The following CARMIL1 variants were observed in gnomAD, a reference collection of about 807,000 sequenced individuals.
CARMIL1 encodes capping protein regulator and myosin 1 linker 1.
Under a neutral mutation model 177.1 loss-of-function variants are expected in CARMIL1, and 90 were observed. The ratio of observed to expected loss-of-function variants is 0.51; its 90% CI spans 0.43 to 0.61. The LOEUF (loss-of-function observed/expected upper bound fraction) is 0.61, where lower values mean the gene tolerates loss of function less well. Among genes scored for constraint, CARMIL1 ranks in the 20% least tolerant of loss-of-function variants. CARMIL1 has a pLI of 0.00. For missense variants in CARMIL1, 1,380 were observed against 1,667.0 expected, an observed-to-expected ratio of 0.83 and a Z score of 3.00; for synonymous variants, 577 against 606.2, an observed-to-expected ratio of 0.95 and a Z score of 0.71.
intron 4 of CARMIL1, among the ~76,000 whole-genome samples, chr6:25,429,278 A>C (rs1284634177): frequency 6.6e-6 from 1 of 152,214 alleles, no homozygotes; most frequent in Non-Finnish European, 1.5e-5. Context: ...CTGTGTGTGC[A>C]AGCATCCATC....
intron 23 of CARMIL1, among the ~76,000 whole-genome samples, chr6:25,521,342 C>T (rs1419993498): frequency 6.6e-6 from 1 of 151,302 alleles, no homozygotes. Flanking sequence ...CTCATATTCA[C>T]TTTGGGGTGA....
intron 2 of CARMIL1, among the ~76,000 whole-genome samples, chr6:25,331,889 T>G (rs1404685714): frequency 2.0e-5 from 3 of 152,258 alleles, no homozygotes; most frequent in East Asian, 3.8e-4. Flanking sequence ...GAATACTTGT[T>G]AAATGAATAG....
intron 17 of CARMIL1, among the ~76,000 whole-genome samples, chr6:25,500,675 T>C (rs1804218523): frequency 6.6e-6 from 1 of 152,172 alleles, no homozygotes; most frequent in Non-Finnish European, 1.5e-5. Flanking sequence ...AACAAGAAAA[T>C]TAACATACCT....
intron 12 of CARMIL1, among the ~76,000 whole-genome samples, chr6:25,482,917 C>G (rs975434708): frequency 3.3e-5 from 5 of 152,160 alleles, no homozygotes; most frequent in Non-Finnish European, 7.3e-5. Flanking sequence ...ATCCTGCATT[C>G]TTTGTGCCTT....
chr6:25,289,257 G>A (rs1311317802), intron 2 of CARMIL1, among the ~76,000 whole-genome samples: 1 of 152,144 alleles, frequency 6.6e-6, no homozygotes, highest in Non-Finnish European at 1.5e-5. Context: ...GTCTTTAGGG[G>A]ATGTCATTAG....
chr6:25,508,719 T>C (rs1805163896), intron 17 of CARMIL1, among the ~76,000 whole-genome samples: 1 of 152,204 alleles, frequency 6.6e-6, no homozygotes, highest in Admixed American at 6.5e-5. Flanking sequence ...AGTAAAGGAC[T>C]TGCCATGTTC....
chr6:25,519,084 C>T (rs1475612292), intron 22 of CARMIL1, among the ~76,000 whole-genome samples: 1 of 152,234 alleles, frequency 6.6e-6, no homozygotes, highest in Non-Finnish European at 1.5e-5. Context: ...CCCATCTAGA[C>T]TGCTACTATT....
At position 25,436,683 on chromosome 6, in the gene CARMIL1, A is replaced by G. The variant is rs142824345; in HGVS notation, c.371+1079A>G. Among the ~76,000 whole-genome samples, 1,021 of 152,144 alleles carry G rather than the reference A, an allele frequency of 6.7e-3. 7 individuals carry two copies. Among genetic ancestry groups the G allele is most frequent in the African/African-American group, 0.022 (924 of 41,512 alleles). On this transcript the variant is annotated intron_variant, in intron 5 of 36. Coordinates refer to ENST00000329474, the MANE Select transcript of CARMIL1 (RefSeq NM_017640.6). ...TCGCAGGGCTCTCTCCCTTCCCCCC[A>G]TGGTGGGAGGTGGACACACCAGAAT...
Position 25,619,651 on chromosome 6 carries a change from A to G in CARMIL1, c.*68A>G. On this transcript the variant is annotated 3_prime_UTR_variant, in exon 37 of 37. Transcript: ENST00000329474. ...AGCCATCAGAGAGGAACCAAGGGCA[A>G]CATCTTTTCTTCCCAGGCGTTCTTC... The G allele has an allele frequency of 6.7e-7, 1 of 1,488,064 alleles. No homozygotes were observed. Among genetic ancestry groups the G allele is most frequent in the Non-Finnish European group, 9.0e-7 (1 of 1,115,762 alleles). 92.2% of individuals were successfully genotyped at this position (1,488,064 alleles called of 1,614,324 possible).
rs149728737 is a variant in CARMIL1, at chr6:25,531,782, T to C, written c.2067+2889T>C. ...CTTTGTCTTGTGTTCCTTTATGAGC[T>C]ACAATAATAAAGACTTCTCACTCTG... is the stretch of plus-strand genomic sequence containing the variant. On this transcript the variant is annotated intron_variant, in intron 24 of 36. Transcript: ENST00000329474. Among the ~76,000 whole-genome samples, 133 of 152,348 alleles carry C rather than the reference T, an allele frequency of 8.7e-4. No individual in the cohort carries two copies. In the East Asian group the frequency reaches 0.011, roughly 13 times the overall value.
chr6:25,393,211 T>G (rs1009373048), intron 2 of CARMIL1, among the ~76,000 whole-genome samples: 1 of 152,174 alleles, frequency 6.6e-6, no homozygotes, highest in African/African-American at 2.4e-5. Flanking sequence ...GTAGCTTCCT[T>G]ATAGGATTGT....
rs543989019 is a variant in CARMIL1, at chr6:25,326,754, T to C, written c.138+41845T>C. 7.9e-5 allele frequency among the ~76,000 whole-genome samples: 12 copies of C among 152,196 alleles called. No homozygotes were observed. Among genetic ancestry groups the C allele is most frequent in the African/African-American group, 2.6e-4 (11 of 41,532 alleles). On this transcript the variant is annotated intron_variant, in intron 2 of 36. Coordinates refer to ENST00000329474, the MANE Select transcript of CARMIL1 (RefSeq NM_017640.6). This position sits in a 1 kb window ranked among gnomAD's most constrained non-coding sequence, Gnocchi z 4.2. ...AGTAGATGGATTCTGGTGTATGTTT[T>C]GAAGGTAGGGATGATAGGACTTTTG...
At chr6:25,459,613 ACT>A (rs1280125680) in intron 8 of CARMIL1, among the ~76,000 whole-genome samples, 1 of 151,556 alleles carries the variant, frequency 6.6e-6, no homozygotes, top group Non-Finnish European at 1.5e-5. Context: ...AACCAAAAAA[ACT>A]CTATGTGTAG....
chr6:25,334,289 A>G (rs1785993251), intron 2 of CARMIL1, among the ~76,000 whole-genome samples: 1 of 152,202 alleles, frequency 6.6e-6, no homozygotes, highest in Non-Finnish European at 1.5e-5. Flanking sequence ...CCTTAAAAAT[A>G]TATTCGGATT....
chr6:25,417,783 A>G (rs1795490425), intron 2 of CARMIL1, among the ~76,000 whole-genome samples: 1 of 152,240 alleles, frequency 6.6e-6, no homozygotes, highest in Non-Finnish European at 1.5e-5. Context: ...TTCTGCTCTA[A>G]TTGAATGACC....
intron 2 of CARMIL1, among the ~76,000 whole-genome samples, chr6:25,380,796 C>G (rs1791446902): frequency 1.3e-5 from 2 of 152,152 alleles, no homozygotes; most frequent in African/African-American, 4.8e-5. Flanking sequence ...CTTAGACACG[C>G]ATTTTTCCTT....
intron 2 of CARMIL1, among the ~76,000 whole-genome samples, chr6:25,418,977 G>T (rs1004277862): frequency 1.3e-5 from 2 of 152,168 alleles, no homozygotes; most frequent in African/African-American, 4.8e-5. Flanking sequence ...TTCAAAGAAA[G>T]ATTTTATAGA....
intron 35 of CARMIL1, 83 bp from the exon 36 acceptor site, chr6:25,609,967 T>G: frequency 1.4e-6 from 2 of 1,384,250 alleles, no homozygotes; most frequent in Non-Finnish European, 1.9e-6. Flanking sequence ...AATGACTTAT[T>G]TTTATATATA....
chr6:25,537,698 A>G (rs190728100), intron 24 of CARMIL1, among the ~76,000 whole-genome samples, 157 bp from the exon 25 acceptor site: 18 of 152,330 alleles, frequency 1.2e-4, no homozygotes, highest in African/African-American at 3.8e-4. Flanking sequence ...TACAAGCAGC[A>G]TTCTCAGTGA....
Sources: allele counts gnomAD v4.1 joint callset (sites outside exome capture counted in the v4.1 genomes callset), GRCh38; gene constraint gnomAD v4.1.1; non-coding constraint Gnocchi (gnomAD v3.1); transcripts MANE v1.5; gene names NCBI Gene and HGNC (gene_info 2026-07-23, HGNC 2026-07-21).